The following PODXL2 variants were observed in gnomAD, a reference collection of about 807,000 sequenced individuals.
PODXL2 encodes the protein podocalyxin-like protein 2.
PODXL2 carries 17 observed loss-of-function variants against 53.4 expected under a neutral mutation model. The observed-to-expected ratio is 0.32, with a 90% confidence interval of 0.22 to 0.48. The LOEUF is 0.48. Among genes scored for constraint, PODXL2 ranks in the 20% least tolerant of loss-of-function variants. The pLI is 0.99. For missense variants in PODXL2, 673 were observed against 760.0 expected (o/e 0.89, Z 1.35); for synonymous variants, 311 against 306.7 (o/e 1.01, Z -0.15).
chr3:127,635,044 C>A (rs954638763), intron 1 of PODXL2, among the ~76,000 whole-genome samples: 1 of 152,186 alleles, frequency 6.6e-6, no homozygotes, highest in Non-Finnish European at 1.5e-5. Context: ...TTTGCTTTAT[C>A]GTGAAGTGTG....
chr3:127,637,272 C>T (rs1379805598), intron 1 of PODXL2, among the ~76,000 whole-genome samples: 2 of 152,168 alleles, frequency 1.3e-5, no homozygotes, highest in African/African-American at 4.8e-5. Flanking sequence ...GCCTCCTTAG[C>T]CCCGGCGTTG....
At chr3:127,640,625 C>T (rs1006435752) in intron 2 of PODXL2, among the ~76,000 whole-genome samples, 2 of 151,770 alleles carry the variant, frequency 1.3e-5, no homozygotes, top group South Asian at 2.1e-4. Flanking sequence ...GGCTTGAACC[C>T]GGGAGGTGGA....
chr3:127,633,267 C>T (rs768380597), intron 1 of PODXL2, among the ~76,000 whole-genome samples: 6 of 152,230 alleles, frequency 3.9e-5, no homozygotes, highest in Non-Finnish European at 8.8e-5. Context: ...TACATATTCT[C>T]TTCCTTCACG....
At position 127,671,453 on chromosome 3, in the gene PODXL2, C is replaced by A. The variant is rs1322448474; in HGVS notation, c.1445C>A (p.Ser482Tyr). ...CCCTAGATTGGCATCCAGAACTATT[C>A]CACAACCAGCAGCTGCCAGGCGCGG... Reference protein sequence around the residue: ...SLEEIGIQNYSTTSSCQARAS... With the variant: ...SLEEIGIQNYYTTSSCQARAS... The change falls in exon 7 of 8, where the codon TCC becomes TAC. Residue 482 changes from serine (S) to tyrosine (Y), a missense_variant. Ser to Tyr is a moderately radical substitution (Grantham distance 144, BLOSUM62 -2). Coordinates refer to ENST00000342480, the MANE Select transcript of PODXL2 (RefSeq NM_015720.4). The A allele has an allele frequency of 6.2e-7, 1 of 1,614,058 alleles. No individual in the cohort carries two copies. Among genetic ancestry groups the A allele is most frequent in the East Asian group, 2.2e-5 (1 of 44,866 alleles).
intron 1 of PODXL2, among the ~76,000 whole-genome samples, chr3:127,632,398 T>G (rs1359798359): frequency 6.6e-6 from 1 of 152,244 alleles, no homozygotes; most frequent in Non-Finnish European, 1.5e-5. Context: ...TTCAAAATTC[T>G]TAGGGAGAAT....
At chr3:127,668,743 A>G (rs1168224789) in intron 5 of PODXL2, 146 bp downstream of exon 5, 6 of 797,734 alleles carry the variant, frequency 7.5e-6, no homozygotes, top group Non-Finnish European at 1.1e-5. Context: ...TTAGTGGTCA[A>G]GGTGTACCCA....
At chr3:127,630,938 C>T (rs1425916581) in intron 1 of PODXL2, among the ~76,000 whole-genome samples, 1 of 152,274 alleles carries the variant, frequency 6.6e-6, no homozygotes, top group Non-Finnish European at 1.5e-5. Context: ...CCAGGCCCAG[C>T]TGTAACTGCC....
Position 127,629,538 on chromosome 3 carries a change from T to C in PODXL2, c.70+249T>C, listed in dbSNP as rs1576424476. Among the ~76,000 whole-genome samples the C allele has an allele frequency of 6.6e-6, 1 of 150,838 alleles. No individual in the cohort carries two copies. Among genetic ancestry groups the C allele is most frequent in the Non-Finnish European group, 1.5e-5 (1 of 67,686 alleles). ...GCGGTGAAGCTGGGACACAGCACCG[T>C]GGCCCCCACGCCGCGGCTCTCAGGG... is the stretch of plus-strand genomic sequence containing the variant. On this transcript the variant is annotated intron_variant, in intron 1 of 7. Coordinates refer to ENST00000342480, the MANE Select transcript of PODXL2 (RefSeq NM_015720.4). This position sits in a 1 kb window ranked among gnomAD's most constrained non-coding sequence, Gnocchi z 6.4.
intron 6 of PODXL2, 130 bp from the exon 7 acceptor site, chr3:127,671,304 T>C: frequency 1.3e-6 from 1 of 799,422 alleles, no homozygotes; most frequent in South Asian, 1.7e-5. Context: ...CCAGGGAACT[T>C]CAGGAGCCGG....
chr3:127,670,887 C>T (rs1057381319), intron 6 of PODXL2, among the ~76,000 whole-genome samples: 1 of 152,218 alleles, frequency 6.6e-6, no homozygotes, highest in Non-Finnish European at 1.5e-5. Context: ...CAGCAGTGAA[C>T]ACGCCATGGG....
chr3:127,637,675 T>A (rs899804437), intron 1 of PODXL2, among the ~76,000 whole-genome samples: 2 of 152,232 alleles, frequency 1.3e-5, no homozygotes, highest in Non-Finnish European at 2.9e-5. Flanking sequence ...TTCCTGTCTC[T>A]GACCTCAGGG....
chr3:127,669,119 A>G (rs909185201), intron 5 of PODXL2, 22 bp from the exon 6 acceptor site: 1 of 1,568,466 alleles, frequency 6.4e-7, no homozygotes, highest in South Asian at 1.1e-5. Flanking sequence ...TCACACTGAT[A>G]GTGGTGTTTC....
chr3:127,646,306 T>C (rs1337409351), intron 2 of PODXL2, among the ~76,000 whole-genome samples: 1 of 152,208 alleles, frequency 6.6e-6, no homozygotes, highest in African/African-American at 2.4e-5. Flanking sequence ...CCCTGTCATG[T>C]CACCTCTCAG....
At chr3:127,644,256 C>T (rs938235557) in intron 2 of PODXL2, among the ~76,000 whole-genome samples, 3 of 151,946 alleles carry the variant, frequency 2.0e-5, no homozygotes, top group Non-Finnish European at 2.9e-5. Flanking sequence ...GGATTACAGG[C>T]GTGCCACCAT....
At chr3:127,635,506 A>G (rs1298679981) in intron 1 of PODXL2, among the ~76,000 whole-genome samples, 2 of 152,252 alleles carry the variant, frequency 1.3e-5, no homozygotes, top group Non-Finnish European at 2.9e-5. Flanking sequence ...ACTCTGATCC[A>G]AAAGGAGAAC....
chr3:127,671,360 C>A, intron 6 of PODXL2, 74 bp from the exon 7 acceptor site: 1 of 1,413,704 alleles, frequency 7.1e-7, no homozygotes, highest in Non-Finnish European at 9.9e-7. Flanking sequence ...CCACCCGAGC[C>A]CAATGCAACC....
At chr3:127,672,120 G>C in intron 7 of PODXL2, 148 bp from the exon 8 acceptor site, 1 of 632,544 alleles carries the variant, frequency 1.6e-6, no homozygotes, top group Non-Finnish European at 2.8e-6. Flanking sequence ...TGAGAAAGGA[G>C]TTGAGCTGCA....
At chr3:127,636,420 AC>A (rs1387238610) in intron 1 of PODXL2, among the ~76,000 whole-genome samples, 1 of 152,256 alleles carries the variant, frequency 6.6e-6, no homozygotes, top group Non-Finnish European at 1.5e-5. Context: ...TAGAGAGAGT[AC>A]AAGTCCTTAA....
rs568754663 is a variant in PODXL2 at position 127,671,313 on chromosome 3, G to A, written c.1426-121G>A. The A allele has an allele frequency of 8.2e-6, 7 of 855,136 alleles. No individual in the cohort carries two copies. In the Admixed American group the frequency reaches 9.9e-5, roughly 12 times the overall value. The allele number at this position is 855,136 out of a possible 1,614,324, so 53.0% of individuals were successfully genotyped here. ...CAGGCGCCAGGGAACTTCAGGAGCC[G>A]GGAGTGCCAGCACCTTCTAAGCCTG... On this transcript the variant is annotated intron_variant, in intron 6 of 7. Coordinates refer to ENST00000342480, the MANE Select transcript of PODXL2 (RefSeq NM_015720.4).
Sources: allele counts gnomAD v4.1 joint callset (sites outside exome capture counted in the v4.1 genomes callset), GRCh38; gene constraint gnomAD v4.1.1; non-coding constraint Gnocchi (gnomAD v3.1); transcripts MANE v1.5; gene names NCBI Gene and HGNC (gene_info 2026-07-23, HGNC 2026-07-21).